Variants in PCDHGA7 observed in about 807,000 individuals in gnomAD.
The protein encoded by PCDHGA7 is protocadherin gamma-A7.
A neutral mutation model predicts 58.3 loss-of-function variants in PCDHGA7; 44 were observed. The observed-to-expected ratio is 0.75, with a 90% CI of 0.59 to 0.97. The LOEUF is 0.97. Ranked by LOEUF, PCDHGA7 falls within the 50% of genes least tolerant of loss-of-function variation. PCDHGA7 has a pLI of 0.00. For missense variants in PCDHGA7, 1,266 were observed against 1,188.7 expected, an observed-to-expected ratio of 1.06 and a Z score of -0.96; for synonymous variants, 516 against 504.2, an observed-to-expected ratio of 1.02 and a Z score of -0.31.
At chr5:141,434,785 T>A (rs7727021) in intron 1 of PCDHGA7, among the ~76,000 whole-genome samples, 45,585 of 150,884 alleles carry the variant, frequency 0.3, 8,100 homozygotes, top group African/African-American at 0.51. Context: ...AAAAAAAAAA[T>A]TTTTTTTTCT....
rs763582836 is a variant in PCDHGA7 at position 141,404,442 on chromosome 5, A to G, written c.2424+19119A>G. Reference sequence around the variant, plus strand: ...TACTCCTTGGCAGAGGATACCATCCAAGGGTCTCCTCTCTCCACCTATGTC... The same window carrying G: ...TACTCCTTGGCAGAGGATACCATCCGAGGGTCTCCTCTCTCCACCTATGTC... On this transcript the variant is annotated intron_variant, in intron 1 of 3. Transcript: ENST00000518325. 21 of 1,610,906 alleles carry G rather than the reference A, an allele frequency of 1.3e-5. No homozygotes were observed. In the Admixed American group the frequency reaches 3.5e-4, roughly 27 times the overall value.
intron 2 of PCDHGA7, among the ~76,000 whole-genome samples, chr5:141,500,815 A>G (rs2099802742): frequency 6.6e-6 from 1 of 152,196 alleles, no homozygotes; most frequent in African/African-American, 2.4e-5. Context: ...ATGAATATAC[A>G]TATTATTTTT....
chr5:141,476,046 C>T lies in PCDHGA7; in HGVS notation c.2425-18761C>T. 6.7e-7 allele frequency: 1 copy of T among 1,491,396 alleles called. No individual in the cohort carries two copies. Among genetic ancestry groups the T allele is most frequent in the Non-Finnish European group, 8.9e-7 (1 of 1,122,928 alleles). 92.4% of individuals were successfully genotyped at this position (1,491,396 alleles called of 1,614,324 possible). On this transcript the variant is annotated intron_variant, in intron 1 of 3. Coordinates refer to ENST00000518325, the MANE Select transcript of PCDHGA7 (RefSeq NM_018920.4). This position sits in a 1 kb window ranked among gnomAD's most constrained non-coding sequence, Gnocchi z 7.6. ...CGGCGCCCAGCGCCCAAGCGCTAAC[C>T]CGCTGAAAGTTTCTCAGCGAAATCT...
chr5:141,400,099 T>G (rs574278907), intron 1 of PCDHGA7: 1 of 1,614,072 alleles, frequency 6.2e-7, no homozygotes, highest in African/African-American at 1.3e-5. Flanking sequence ...CACGCTGCAC[T>G]TGGTCTTTGC....
chr5:141,383,820 A>C lies in PCDHGA7; in HGVS notation c.921A>C (p.Leu307Phe). The change falls in exon 1 of 4, where the codon TTA (leucine) becomes TTC (phenylalanine). Residue 307 changes from leucine to phenylalanine, a missense_variant. Coordinates refer to ENST00000518325, the MANE Select transcript of PCDHGA7 (RefSeq NM_018920.4). The part of the protein sequence containing the change: ...LTGEISTLEG[L>F]DYEETAFYEM... The stretch of plus-strand genomic sequence containing the variant: ...GAGAAATATCAACTTTAGAAGGATT[A>C]GATTATGAAGAAACTGCCTTCTATG... The C allele has an allele frequency of 6.2e-7, 1 of 1,613,924 alleles. No individual in the cohort carries two copies. Among genetic ancestry groups the C allele is most frequent in the Non-Finnish European group, 8.5e-7 (1 of 1,179,838 alleles).
Position 141,383,556 on chromosome 5 carries a change from C to G in PCDHGA7, c.657C>G (p.Asp219Glu). 1 of 1,612,766 alleles carries G rather than the reference C, an allele frequency of 6.2e-7. No individual in the cohort carries two copies. The highest frequency in any genetic ancestry group is 8.5e-7 in the Non-Finnish European group (1 of 1,179,536). Residue 219 changes from aspartate to glutamate, a missense_variant, in exon 1 of 4, where the codon GAC (aspartate) becomes GAG (glutamate). Transcript: ENST00000518325. ...HLVLTASDGG[D>E]PPRSSTAHIQ... ...TCCTCACAGCCTCTGATGGCGGCGA[C>G]CCGCCCCGATCCAGCACCGCCCACA... is the stretch of plus-strand genomic sequence containing the variant.
In PCDHGA7 at chr5:141,474,958, C is replaced by T. The variant is rs114469479; in HGVS notation, c.2425-19849C>T. On this transcript the variant is annotated intron_variant, in intron 1 of 3. Transcript: ENST00000518325. ...CACAGTGGACTCTTTTATTCACTAT[C>T]CTAATCATTATAATTTTGTTTGGTG... is the stretch of plus-strand genomic sequence containing the variant. Among the ~76,000 whole-genome samples the T allele has an allele frequency of 4.4e-3, 666 of 152,340 alleles. 6 individuals are homozygous for T. The highest frequency in any genetic ancestry group is 0.015 in the African/African-American group (634 of 41,572).
At chr5:141,428,034 T>A (rs768728101) in intron 1 of PCDHGA7, 8 of 1,607,778 alleles carry the variant, frequency 5.0e-6, no homozygotes, top group Middle Eastern at 1.7e-4. Context: ...AGAGTCCGGC[T>A]ACCTGGTGAC....
At chr5:141,390,051 A>G in intron 1 of PCDHGA7, 1 of 1,613,978 alleles carries the variant, frequency 6.2e-7, no homozygotes, top group Non-Finnish European at 8.5e-7. Context: ...CGCCTCCTGG[A>G]GCTGCTTCCA....
intron 1 of PCDHGA7, chr5:141,387,690 C>A: frequency 1.2e-6 from 1 of 833,028 alleles, no homozygotes; most frequent in Non-Finnish European, 1.8e-6. Context: ...AGCCGCAGCG[C>A]GCTTTCCAGG....
chr5:141,397,953 C>A, intron 1 of PCDHGA7: 2 of 962,110 alleles, frequency 2.1e-6, no homozygotes. Flanking sequence ...CAGGGCAGCC[C>A]CAGCTCAGAC....
At chr5:141,420,483 T>C in intron 1 of PCDHGA7, 2 of 581,364 alleles carry the variant, frequency 3.4e-6, no homozygotes, top group Non-Finnish European at 5.2e-6. Context: ...GCAAACTACA[T>C]GGGTAATCTC....
At chr5:141,410,662 C>T (rs770245568) in intron 1 of PCDHGA7, 1 of 1,572,090 alleles carries the variant, frequency 6.4e-7, no homozygotes, top group Admixed American at 1.9e-5. Context: ...TAATAGTCTA[C>T]TAGTTTCTCA....
In PCDHGA7 at chr5:141,431,509, C is replaced by T. The variant is rs774558486; in HGVS notation, c.2424+46186C>T. The T allele has an allele frequency of 3.1e-6, 5 of 1,613,992 alleles. 1 individual carries two copies. In the Admixed American group the frequency reaches 5.0e-5, roughly 16 times the overall value. On this transcript the variant is annotated intron_variant, in intron 1 of 3. Coordinates refer to ENST00000518325, the MANE Select transcript of PCDHGA7 (RefSeq NM_018920.4). This position sits in a 1 kb window ranked among gnomAD's most constrained non-coding sequence, Gnocchi z 4.8. ...TTGCTCAGCCCGAGTACCGCGCGAG[C>T]GTTCCGGAGAATCTGGCCTTGGGCA...
At chr5:141,419,327 TC>T (rs774592605) in intron 1 of PCDHGA7, 1 of 1,613,856 alleles carries the variant, frequency 6.2e-7, no homozygotes, top group Non-Finnish European at 8.5e-7. Flanking sequence ...TGTCTCCTAC[TC>T]TCTCATTGCC....
chr5:141,393,776 C>G, intron 1 of PCDHGA7: 1 of 1,613,714 alleles, frequency 6.2e-7, no homozygotes, highest in Admixed American at 1.7e-5. Flanking sequence ...AAATACAAGC[C>G]GAAGATGTGG....
chr5:141,389,488 A>G (rs1405287897), intron 1 of PCDHGA7: 2 of 1,612,912 alleles, frequency 1.2e-6, no homozygotes, highest in Non-Finnish European at 1.7e-6. Flanking sequence ...GCCCGCGACC[A>G]GGGCTCGCCA....
chr5:141,389,006 C>G, intron 1 of PCDHGA7: 1 of 1,613,986 alleles, frequency 6.2e-7, no homozygotes, highest in South Asian at 1.1e-5. Context: ...ACAAGGATTC[C>G]AGACACAATG....
At chr5:141,448,415 T>C (rs1286455437) in intron 1 of PCDHGA7, among the ~76,000 whole-genome samples, 2 of 152,158 alleles carry the variant, frequency 1.3e-5, no homozygotes, top group African/African-American at 2.4e-5. Context: ...ATCAAAACAA[T>C]ATACTATGTA....
Sources: gnomAD v4.1 joint callset for allele counts (sites outside exome capture counted in the v4.1 genomes callset) on GRCh38, gnomAD v4.1.1 for gene constraint, Gnocchi (gnomAD v3.1) non-coding constraint, MANE v1.5 for transcripts, NCBI Gene and HGNC (gene_info 2026-07-23, HGNC 2026-07-21) for gene names.